UNC5D: variants seen among roughly 807,000 people sequenced by gnomAD.
UNC5D encodes netrin receptor UNC5D.
A neutral mutation model predicts 105.4 loss-of-function variants in UNC5D; 39 were observed. The ratio of observed to expected loss-of-function variants is 0.37; its 90% CI spans 0.29 to 0.48. The LOEUF (loss-of-function observed/expected upper bound fraction) is 0.48. UNC5D is among the 20% of genes least tolerant of loss of function. The pLI, the probability that UNC5D is intolerant of heterozygous loss-of-function variation, is 0.98. For missense variants in UNC5D, 991 were observed against 1,202.4 expected (o/e 0.82, Z 2.60); for synonymous variants, 452 against 450.4 (o/e 1.00, Z -0.04).
intron 1 of UNC5D, among the ~76,000 whole-genome samples, chr8:35,378,923 A>G (rs1802862322): frequency 6.6e-6 from 1 of 152,128 alleles, no homozygotes; most frequent in African/African-American, 2.4e-5. Flanking sequence ...CTTACACTAA[A>G]AAGCGAAAGG....
intron 1 of UNC5D, among the ~76,000 whole-genome samples, chr8:35,343,154 T>C (rs916065161): frequency 6.6e-6 from 1 of 152,080 alleles, no homozygotes; most frequent in Non-Finnish European, 1.5e-5. Flanking sequence ...GAATCAATGT[T>C]GTAGGGTATT....
intron 8 of UNC5D, among the ~76,000 whole-genome samples, chr8:35,720,705 C>G (rs959812008): frequency 7.2e-5 from 11 of 152,192 alleles, no homozygotes; most frequent in African/African-American, 2.4e-4. Flanking sequence ...GAAGTAGGCT[C>G]CATTCCTGTC....
intron 15 of UNC5D, among the ~76,000 whole-genome samples, chr8:35,772,811 T>C: frequency 6.6e-6 from 1 of 152,104 alleles, no homozygotes; most frequent in Admixed American, 6.5e-5. Flanking sequence ...CTTTTTTTTT[T>C]TTTTATACAG....
At chr8:35,503,429 C>A (rs1172945152) in intron 1 of UNC5D, among the ~76,000 whole-genome samples, 1 of 152,112 alleles carries the variant, frequency 6.6e-6, no homozygotes, top group Non-Finnish European at 1.5e-5. Flanking sequence ...AGCATGAGAG[C>A]AGTATGGGGG....
intron 1 of UNC5D, among the ~76,000 whole-genome samples, chr8:35,393,852 A>C (rs773825359): frequency 7.2e-5 from 11 of 152,200 alleles, no homozygotes; most frequent in Non-Finnish European, 1.5e-4. Context: ...CTCACTGTAG[A>C]TCTTAAAGAT....
At chr8:35,699,707 A>G (rs1586470379) in intron 7 of UNC5D, among the ~76,000 whole-genome samples, 1 of 152,182 alleles carries the variant, frequency 6.6e-6, no homozygotes, top group South Asian at 2.1e-4. Flanking sequence ...TGTGATGTCT[A>G]TACAGGCTGG....
chr8:35,792,436 A>G lies in UNC5D; in HGVS notation c.*1873A>G, dbSNP rs890096393. On this transcript the variant is annotated 3_prime_UTR_variant, in exon 17 of 17. Transcript: ENST00000404895. ...CAAAGGCTTATGATGTAGGACAAAG[A>G]AATCATCTTAGAACTGTCAAGCATA... 6.5e-6 allele frequency: 1 copy of G among 152,692 alleles called. No homozygotes were observed. Among genetic ancestry groups the G allele is most frequent in the Non-Finnish European group, 1.5e-5 (1 of 68,454 alleles). The allele number at this position is 152,692 out of a possible 1,614,324, so 9.5% of individuals were successfully genotyped here. A position where few individuals can be genotyped will look rare whatever the true frequency, so the allele number is the denominator to read the frequency against.
At chr8:35,535,001 T>C (rs1814726103) in intron 1 of UNC5D, among the ~76,000 whole-genome samples, 1 of 152,072 alleles carries the variant, frequency 6.6e-6, no homozygotes, top group Admixed American at 6.6e-5. Flanking sequence ...TGATTGATGG[T>C]TTAATATCTT....
At chr8:35,395,787 C>T (rs1804060402) in intron 1 of UNC5D, among the ~76,000 whole-genome samples, 1 of 152,152 alleles carries the variant, frequency 6.6e-6, no homozygotes, top group African/African-American at 2.4e-5. Context: ...ACTTTATTTT[C>T]CTCAGATGTC....
At chr8:35,639,496 A>G (rs1393120743) in intron 4 of UNC5D, among the ~76,000 whole-genome samples, 1 of 152,182 alleles carries the variant, frequency 6.6e-6, no homozygotes, top group Non-Finnish European at 1.5e-5. Flanking sequence ...ATCAAACGTA[A>G]TATATTTATT....
At chr8:35,525,103 G>T in intron 1 of UNC5D, 1 of 1,524,330 alleles carries the variant, frequency 6.6e-7, no homozygotes, top group Non-Finnish European at 9.0e-7. Flanking sequence ...TCCCTCCCCC[G>T]GCCTGCCTCC....
At position 35,281,792 on chromosome 8, in the gene UNC5D, C is replaced by A. The variant is rs75432411; in HGVS notation, c.103+45905C>A. The stretch of plus-strand genomic sequence containing the variant: ...AATAAATCCTGCCATGCCTTTGATA[C>A]TTCTAAGCAGATATTCTTCTCTCCA... On this transcript the variant is annotated intron_variant, in intron 1 of 16. Coordinates refer to ENST00000404895, the MANE Select transcript of UNC5D (RefSeq NM_080872.4). 2.8e-3 allele frequency among the ~76,000 whole-genome samples: 419 copies of A among 152,310 alleles called. 4 individuals carry two copies. Among genetic ancestry groups the A allele is most frequent in the African/African-American group, 9.5e-3 (397 of 41,572 alleles).
chr8:35,488,197 A>G (rs1810959189), intron 1 of UNC5D, among the ~76,000 whole-genome samples: 1 of 152,212 alleles, frequency 6.6e-6, no homozygotes, highest in Non-Finnish European at 1.5e-5. Context: ...GGTGTAACCC[A>G]TGGATACAAT....
intron 1 of UNC5D, among the ~76,000 whole-genome samples, chr8:35,304,753 C>G (rs758715947): frequency 1.2e-4 from 18 of 152,118 alleles, no homozygotes; most frequent in Non-Finnish European, 2.4e-4. Context: ...TAATTGTTCT[C>G]TCTCTGAACT....
intron 1 of UNC5D, chr8:35,255,096 G>A (rs1490864708): frequency 6.6e-6 from 1 of 152,156 alleles, no homozygotes; most frequent in East Asian, 1.9e-4. Flanking sequence ...CTGTTGATCT[G>A]CAGGTCTCTG....
At chr8:35,419,221 A>G (rs1805727107) in intron 1 of UNC5D, among the ~76,000 whole-genome samples, 1 of 152,176 alleles carries the variant, frequency 6.6e-6, no homozygotes, top group Non-Finnish European at 1.5e-5. Context: ...CTTTGTGACC[A>G]GCTAATTGAC....
chr8:35,325,080 A>G (rs989156915), intron 1 of UNC5D, among the ~76,000 whole-genome samples: 10 of 152,158 alleles, frequency 6.6e-5, no homozygotes, highest in Non-Finnish European at 1.0e-4. Flanking sequence ...AAAAACTGAA[A>G]TTGGAAATGG....
intron 15 of UNC5D, among the ~76,000 whole-genome samples, chr8:35,769,867 A>G (rs1057166521): frequency 3.9e-5 from 6 of 152,086 alleles, no homozygotes; most frequent in Non-Finnish European, 7.4e-5. Context: ...GGAGGCTGAA[A>G]CAGGAGAATT....
chr8:35,415,293 T>G (rs1388111942), intron 1 of UNC5D, among the ~76,000 whole-genome samples: 2 of 152,172 alleles, frequency 1.3e-5, no homozygotes, highest in African/African-American at 2.4e-5. Context: ...TCACCCCACA[T>G]GAATGGGTGA....
Sources: allele counts gnomAD v4.1 joint callset (sites outside exome capture counted in the v4.1 genomes callset), GRCh38; gene constraint gnomAD v4.1.1; transcripts MANE v1.5; gene names NCBI Gene and HGNC (gene_info 2026-07-23, HGNC 2026-07-21).